WDR70: variants seen among roughly 807,000 people sequenced by gnomAD.
WDR70 encodes WD repeat domain 70.
WDR70 carries 53 observed loss-of-function variants against 88.6 expected under a neutral mutation model. The observed-to-expected ratio is 0.60, with a 90% CI of 0.48 to 0.75. The LOEUF (loss-of-function observed/expected upper bound fraction) is 0.75. Among genes scored for constraint, WDR70 ranks in the 30% least tolerant of loss-of-function variants. The pLI is 0.00. For synonymous variants in WDR70, 280 were observed against 270.0 expected, an observed-to-expected ratio of 1.04 and a Z score of -0.36; for missense variants, 610 against 823.2, an observed-to-expected ratio of 0.74 and a Z score of 3.17.
At chr5:37,733,459 G>A (rs995389695) in intron 17 of WDR70, among the ~76,000 whole-genome samples, 2 of 152,054 alleles carry the variant, frequency 1.3e-5, no homozygotes, top group Admixed American at 6.6e-5. Context: ...TTAACCAGTT[G>A]CTGTAGAACT....
chr5:37,728,397 T>C (rs1004253291), intron 17 of WDR70, among the ~76,000 whole-genome samples: 3 of 151,386 alleles, frequency 2.0e-5, no homozygotes, highest in Non-Finnish European at 4.4e-5. Flanking sequence ...CTATAGACCT[T>C]AGTTAGTTTT....
rs1321553178 is a variant in WDR70, at chr5:37,472,347, T to G, written c.687-7487T>G. 2.0e-5 allele frequency among the ~76,000 whole-genome samples: 3 copies of G among 152,034 alleles called. No individual in the cohort carries two copies. The East Asian group carries it at 5.8e-4, about 29-fold the overall frequency. ...TTTTTATTGCCATAATATTTTCCTA[T>G]TTTTTTGACTTTATGTAATTGGGAT... On this transcript the variant is annotated intron_variant, in intron 7 of 17. Coordinates refer to ENST00000265107, the MANE Select transcript of WDR70 (RefSeq NM_018034.4).
chr5:37,595,597 A>G (rs1179054700), intron 9 of WDR70, among the ~76,000 whole-genome samples: 1 of 152,200 alleles, frequency 6.6e-6, no homozygotes. Context: ...AGCTGGTTCT[A>G]AAATTCATCT....
At chr5:37,657,116 C>T (rs1745576463) in intron 10 of WDR70, among the ~76,000 whole-genome samples, 1 of 152,098 alleles carries the variant, frequency 6.6e-6, no homozygotes, top group African/African-American at 2.4e-5. Flanking sequence ...AACTTAGGGC[C>T]CTGGTGTTGT....
intron 8 of WDR70, 139 bp downstream of exon 8, chr5:37,480,126 G>C (rs1739618295): frequency 4.5e-6 from 5 of 1,108,288 alleles, no homozygotes; most frequent in Non-Finnish European, 6.3e-6. Flanking sequence ...CAATCATGTG[G>C]ATTGATTGGG....
At chr5:37,749,421 A>C (rs1322539419) in intron 17 of WDR70, among the ~76,000 whole-genome samples, 1 of 150,892 alleles carries the variant, frequency 6.6e-6, no homozygotes, top group Non-Finnish European at 1.5e-5. Context: ...AGAGGGGAAC[A>C]CCACACACCA....
intron 10 of WDR70, among the ~76,000 whole-genome samples, chr5:37,689,224 T>C (rs1364898299): frequency 1.3e-5 from 2 of 152,246 alleles, no homozygotes; most frequent in Non-Finnish European, 2.9e-5. Context: ...AAGCAAGGCC[T>C]ACTGCCTCTA....
chr5:37,383,418 C>T (rs982765903), intron 3 of WDR70, among the ~76,000 whole-genome samples: 1 of 152,024 alleles, frequency 6.6e-6, no homozygotes, highest in Non-Finnish European at 1.5e-5. Flanking sequence ...CACCACCACG[C>T]CTGGCTAATT....
chr5:37,751,997 T>C (rs767643274), intron 17 of WDR70, among the ~76,000 whole-genome samples: 1 of 152,200 alleles, frequency 6.6e-6, no homozygotes, highest in African/African-American at 2.4e-5. Flanking sequence ...TCAAATTCAT[T>C]AGATAAGAAA....
intron 7 of WDR70, among the ~76,000 whole-genome samples, chr5:37,452,664 A>T (rs1278828584): frequency 1.3e-5 from 2 of 152,188 alleles, no homozygotes; most frequent in Non-Finnish European, 2.9e-5. Context: ...TCTTTTTGTC[A>T]CTGATCTGTA....
At chr5:37,580,984 G>A (rs1024447623) in intron 9 of WDR70, among the ~76,000 whole-genome samples, 2 of 152,192 alleles carry the variant, frequency 1.3e-5, no homozygotes, top group Non-Finnish European at 2.9e-5. Context: ...AGTTCACAAA[G>A]AATTATTAAG....
chr5:37,528,753 C>T (rs554867020), intron 9 of WDR70, among the ~76,000 whole-genome samples: 1 of 152,146 alleles, frequency 6.6e-6, no homozygotes. Context: ...ATTTCTCCCA[C>T]TCTGTGGGTT....
chr5:37,528,294 C>T (rs1184078065), intron 9 of WDR70, among the ~76,000 whole-genome samples: 2 of 152,164 alleles, frequency 1.3e-5, no homozygotes, highest in African/African-American at 4.8e-5. Context: ...GAATACTATG[C>T]AGCCATAAAA....
At chr5:37,606,402 A>G (rs922900495) in intron 10 of WDR70, among the ~76,000 whole-genome samples, 2 of 152,186 alleles carry the variant, frequency 1.3e-5, no homozygotes, top group African/African-American at 4.8e-5. Flanking sequence ...ATTTTTTAGT[A>G]ACTGGTTTTC....
At chr5:37,631,432 A>G (rs1237023872) in intron 10 of WDR70, among the ~76,000 whole-genome samples, 1 of 152,200 alleles carries the variant, frequency 6.6e-6, no homozygotes, top group African/African-American at 2.4e-5. Context: ...TGGTGATAAC[A>G]ATATTAGTGA....
At chr5:37,417,450 C>T (rs1305776605) in intron 5 of WDR70, among the ~76,000 whole-genome samples, 1 of 152,006 alleles carries the variant, frequency 6.6e-6, no homozygotes, top group Non-Finnish European at 1.5e-5. Flanking sequence ...GTCTCGAACT[C>T]CTGGGCTCAG....
At chr5:37,716,899 A>G (rs1242030923) in intron 13 of WDR70, among the ~76,000 whole-genome samples, 4 of 152,004 alleles carry the variant, frequency 2.6e-5, no homozygotes, top group African/African-American at 9.7e-5. Flanking sequence ...CTATTTTGGA[A>G]TTTTGACACT....
chr5:37,631,363 C>G (rs1277993912), intron 10 of WDR70, among the ~76,000 whole-genome samples: 3 of 152,146 alleles, frequency 2.0e-5, no homozygotes, highest in Non-Finnish European at 4.4e-5. Context: ...ATATATAGAG[C>G]TTGACCAGAT....
chr5:37,564,554 C>T (rs913088299), intron 9 of WDR70, among the ~76,000 whole-genome samples: 1 of 69,778 alleles, frequency 1.4e-5, no homozygotes, highest in African/African-American at 3.1e-5. Flanking sequence ...GAGAGGGAGA[C>T]CGTGGGGAGA....
Sources: allele counts gnomAD v4.1 joint callset (sites outside exome capture counted in the v4.1 genomes callset), GRCh38; gene constraint gnomAD v4.1.1; transcripts MANE v1.5; gene names NCBI Gene and HGNC (gene_info 2026-07-23, HGNC 2026-07-21).